MED29: variants seen among roughly 807,000 people sequenced by gnomAD.
MED29 encodes mediator complex subunit 29, also known as mediator of RNA polymerase II transcription subunit 29.
Under a neutral mutation model 22.0 loss-of-function variants are expected in MED29, and 14 were observed. The ratio of observed to expected loss-of-function variants is 0.64; its 90% CI spans 0.42 to 0.99. The LOEUF (loss-of-function observed/expected upper bound fraction) is 0.99, where lower values mean the gene tolerates loss of function less well. MED29 is among the 50% of genes least tolerant of loss of function. The pLI is 0.00. For synonymous variants in MED29, 123 were observed against 107.8 expected (o/e 1.14, Z -0.87); for missense variants, 241 against 253.7 (o/e 0.95, Z 0.34).
rs2078444175 is a variant in MED29 at position 39,398,678 on chromosome 19, G to GCTCAGC, written c.*988_*993dup. ...CCTGCTTCCCTGGAAGCTTCAGGAA[G>GCTCAGC]CTCAGCCTCAGCCTTCAGGCCTGAG... is the stretch of plus-strand genomic sequence containing the variant. On this transcript the variant is annotated 3_prime_UTR_variant, in exon 4 of 4. Coordinates refer to ENST00000315588, the MANE Select transcript of MED29 (RefSeq NM_017592.4). 1 of 152,298 alleles carries GCTCAGC rather than the reference G, an allele frequency of 6.6e-6. No homozygotes were observed. The highest frequency in any genetic ancestry group is 1.5e-5 in the Non-Finnish European group (1 of 68,028). 9.4% of individuals were successfully genotyped at this position (152,298 alleles called of 1,614,324 possible).
In MED29 at chr19:39,398,018, CTG is replaced by C. The variant is rs2078439735; in HGVS notation, c.*321_*322del. 2 of 524,404 alleles carry C rather than the reference CTG, an allele frequency of 3.8e-6. No homozygotes were observed. The highest frequency in any genetic ancestry group is 3.1e-5 in the South Asian group (1 of 32,724). 32.5% of individuals were successfully genotyped at this position (524,404 alleles called of 1,614,324 possible). On this transcript the variant is annotated 3_prime_UTR_variant, in exon 4 of 4. Transcript: ENST00000315588. ...TCCCCTCTCCCTCAGTCCTTCCTGACTGTCTCCAGCTGGGAGGTGGTCTCTGT... is the reference window on the plus strand; with the variant it reads ...TCCCCTCTCCCTCAGTCCTTCCTGACTCTCCAGCTGGGAGGTGGTCTCTGT...
intron 3 of MED29, among the ~76,000 whole-genome samples, chr19:39,395,176 G>A (rs1177252158): frequency 6.6e-6 from 1 of 152,140 alleles, no homozygotes; most frequent in Non-Finnish European, 1.5e-5. Context: ...AAAGTGGGAG[G>A]TTGAGAAGCT....
Position 39,397,933 on chromosome 19 carries a change from G to C in MED29, c.*234G>C. On this transcript the variant is annotated 3_prime_UTR_variant, in exon 4 of 4. Coordinates refer to ENST00000315588, the MANE Select transcript of MED29 (RefSeq NM_017592.4). ...GGGTAGACTTTGAACTGTGTGTGTT[G>C]ATGACTTCTCTGTTCCACAGGCCCT... 1.5e-6 allele frequency: 1 copy of C among 663,134 alleles called. No homozygotes were observed. 41.1% of individuals were successfully genotyped at this position (663,134 alleles called of 1,614,324 possible).
chr19:39,391,724 T>A, intron 1 of MED29, 86 bp downstream of exon 1: 3 of 1,457,478 alleles, frequency 2.1e-6, no homozygotes, highest in Non-Finnish European at 2.7e-6. Flanking sequence ...GAGAGAGCGC[T>A]AAGCAGAAAG....
chr19:39,399,778 G>A lies in MED29; in HGVS notation c.*2079G>A, dbSNP rs2078451750. ...GAGGGACTGTCGGCCCTCCCAGGTG[G>A]TGTCAACACAACATCACACACAGGT... On this transcript the variant is annotated 3_prime_UTR_variant, in exon 4 of 4. Transcript: ENST00000315588. 2 of 152,320 alleles carry A rather than the reference G, an allele frequency of 1.3e-5. No individual in the cohort carries two copies. Among genetic ancestry groups the A allele is most frequent in the East Asian group, 3.9e-4 (2 of 5,168 alleles). The allele number at this position is 152,320 out of a possible 1,614,324, so 9.4% of individuals were successfully genotyped here. A position where few individuals can be genotyped will look rare whatever the true frequency, so the allele number is the denominator to read the frequency against.
intron 2 of MED29, 67 bp downstream of exon 2, chr19:39,392,589 C>T: frequency 7.3e-7 from 1 of 1,365,160 alleles, no homozygotes; most frequent in Non-Finnish European, 1.0e-6. Context: ...ATCTTTCCTT[C>T]TCCTGCTCCC....
At chr19:39,391,821 G>C (rs554832149) in intron 1 of MED29, among the ~76,000 whole-genome samples, 183 bp downstream of exon 1, 1 of 152,234 alleles carries the variant, frequency 6.6e-6, no homozygotes, top group Non-Finnish European at 1.5e-5. Context: ...ATCACTTGAG[G>C]TCAGGAGTTC....
intron 2 of MED29, 80 bp downstream of exon 2, chr19:39,392,602 C>CCCACCTCACCTTCTATATTT (rs1417431814): frequency 4.0e-6 from 5 of 1,234,662 alleles, no homozygotes; most frequent in Non-Finnish European, 5.8e-6. Context: ...CTGCTCCCCG[C>CCCACCTCACCTTCTATATTT]CCACCTCACC....
chr19:39,394,503 C>T (rs956793383), intron 3 of MED29, among the ~76,000 whole-genome samples: 27 of 151,108 alleles, frequency 1.8e-4, no homozygotes, highest in Non-Finnish European at 3.2e-4. Context: ...GTGATCCACC[C>T]GCCTCAGTCT....
At chr19:39,396,417 A>G (rs901564306) in intron 3 of MED29, among the ~76,000 whole-genome samples, 1 of 151,982 alleles carries the variant, frequency 6.6e-6, no homozygotes, top group Non-Finnish European at 1.5e-5. Flanking sequence ...CCTGGGTAAC[A>G]GAGCGAGACT....
At chr19:39,393,478 A>G in intron 2 of MED29, 75 bp from the exon 3 acceptor site, 1 of 1,344,046 alleles carries the variant, frequency 7.4e-7, no homozygotes, top group Non-Finnish European at 1.1e-6. Flanking sequence ...CCTGATGGAC[A>G]CTTGGTTGGG....
chr19:39,393,450 T>C, intron 2 of MED29, 103 bp from the exon 3 acceptor site: 2 of 1,076,512 alleles, frequency 1.9e-6, no homozygotes, highest in Non-Finnish European at 1.4e-6. Flanking sequence ...TCAGATCTCC[T>C]GGACCTGTAC....
rs1247298311 is a variant in MED29 at position 39,397,482 on chromosome 19, A to G, written c.386A>G (p.Gln129Arg). ...CLRLAHECLS[Q>R]SCDSAKHSPT... ...CGCCTGGCGCATGAGTGCCTGTCACAGAGTTGTGACAGTGCCAAGCACTCT... is the reference window on the plus strand; with the variant it reads ...CGCCTGGCGCATGAGTGCCTGTCACGGAGTTGTGACAGTGCCAAGCACTCT... The change falls in exon 4 of 4, where the codon CAG (glutamine) becomes CGG (arginine). Residue 129 changes from glutamine to arginine, a missense_variant. By Grantham distance (43) the Gln-to-Arg change is conservative (BLOSUM62 1). Coordinates refer to ENST00000315588, the MANE Select transcript of MED29 (RefSeq NM_017592.4). 1 of 1,608,448 alleles carries G rather than the reference A, an allele frequency of 6.2e-7. No homozygotes were observed. The highest frequency in any genetic ancestry group is 8.5e-7 in the Non-Finnish European group (1 of 1,179,976).
rs1355421380 is a variant in MED29 at position 39,400,129 on chromosome 19, A to G, written c.*2430A>G. ...CACAGTGGCCCAGGCCTGTAATCCC[A>G]TCACTTTGGGAGGTGCAGGCAGGCA... On this transcript the variant is annotated 3_prime_UTR_variant, in exon 4 of 4. Transcript: ENST00000315588. The G allele has an allele frequency of 3.3e-5, 5 of 152,408 alleles. No individual in the cohort carries two copies. In the East Asian group the frequency reaches 5.8e-4, roughly 18 times the overall value. The allele number at this position is 152,408 out of a possible 1,614,324, so 9.4% of individuals were successfully genotyped here.
intron 3 of MED29, among the ~76,000 whole-genome samples, chr19:39,395,954 C>G (rs1201521703): frequency 1.3e-5 from 2 of 151,544 alleles, no homozygotes; most frequent in Non-Finnish European, 2.9e-5. Context: ...AAACAGGGAC[C>G]TAGGAGAAGC....
At chr19:39,392,598 C>CCCGCCCA in intron 2 of MED29, 76 bp downstream of exon 2, 1 of 1,300,274 alleles carries the variant, frequency 7.7e-7, no homozygotes. Context: ...TCTCCTGCTC[C>CCCGCCCA]CCGCCCACCT....
At chr19:39,396,785 G>A (rs1184686326) in intron 3 of MED29, among the ~76,000 whole-genome samples, 3 of 151,910 alleles carry the variant, frequency 2.0e-5, no homozygotes, top group Non-Finnish European at 1.5e-5. Context: ...AGCACTTTGG[G>A]AGGCTGAGGC....
chr19:39,393,176 A>G (rs1891695884), intron 2 of MED29, among the ~76,000 whole-genome samples: 1 of 128,562 alleles, frequency 7.8e-6, no homozygotes, highest in Admixed American at 9.7e-5. Context: ...GCTCACTGCA[A>G]CCTCTGCCTC....
At chr19:39,393,508 G>C (rs984412767) in intron 2 of MED29, 45 bp from the exon 3 acceptor site, 2 of 1,575,258 alleles carry the variant, frequency 1.3e-6, no homozygotes, top group Admixed American at 3.3e-5. Flanking sequence ...GTGTCCCAAA[G>C]ATTAGAAATC....
Sources: allele counts gnomAD v4.1 joint callset (sites outside exome capture counted in the v4.1 genomes callset), GRCh38; gene constraint gnomAD v4.1.1; transcripts MANE v1.5; gene names NCBI Gene and HGNC (gene_info 2026-07-23, HGNC 2026-07-21).